TMEM123: variants seen among roughly 807,000 people sequenced by gnomAD.
The protein encoded by TMEM123 is porimin.
In TMEM123, 16 loss-of-function variants were observed where a neutral mutation model predicts 19.7. The ratio of observed to expected loss-of-function variants is 0.81; its 90% CI spans 0.55 to 1.23. The LOEUF is 1.23. Ranked by LOEUF, TMEM123 falls within the 50% of genes most tolerant of loss-of-function variation. The probability of loss-of-function intolerance (pLI) is 0.00; values close to 1 mark genes in which losing one functional copy is unlikely to be tolerated. For missense variants in TMEM123, 313 were observed against 257.8 expected, an observed-to-expected ratio of 1.21 and a Z score of -1.47; for synonymous variants, 118 against 99.4, an observed-to-expected ratio of 1.19 and a Z score of -1.12.
Position 102,396,671 on chromosome 11 carries a change from T to G in TMEM123, c.*2196A>C, listed in dbSNP as rs1951858735. The G allele has an allele frequency of 6.6e-6, 1 of 152,186 alleles. No individual in the cohort carries two copies. The highest frequency in any genetic ancestry group is 2.4e-5 in the African/African-American group (1 of 41,452). The allele number at this position is 152,186 out of a possible 1,614,324, so 9.4% of individuals were successfully genotyped here. On this transcript the variant is annotated 3_prime_UTR_variant, in exon 5 of 5. Transcript: ENST00000398136. ...GTCCAAAGCAAAATATTTTTTTGCA[T>G]AACCATTTCCCTCAATTTTTATAGA...
chr11:102,416,708 C>A (rs1216471019), intron 2 of TMEM123, among the ~76,000 whole-genome samples: 1 of 152,084 alleles, frequency 6.6e-6, no homozygotes, highest in South Asian at 2.1e-4. Flanking sequence ...AAGAAAACTT[C>A]AGGCCAATAT....
Position 102,396,566 on chromosome 11 carries a change from G to GT in TMEM123, c.*2300dup, listed in dbSNP as rs1351183475. On this transcript the variant is annotated 3_prime_UTR_variant, in exon 5 of 5. Coordinates refer to ENST00000398136, the MANE Select transcript of TMEM123 (RefSeq NM_052932.3). The stretch of plus-strand genomic sequence containing the variant: ...TGCCTAGTACTTATACATCTGGATT[G>GT]TTTGTTTTGATCTTCAGATAAATAC... The GT allele has an allele frequency of 6.6e-6, 1 of 152,024 alleles. No homozygotes were observed. 9.4% of individuals were successfully genotyped at this position (152,024 alleles called of 1,614,324 possible).
intron 2 of TMEM123, among the ~76,000 whole-genome samples, chr11:102,427,498 G>A (rs1453961799): frequency 2.0e-5 from 3 of 147,630 alleles, no homozygotes; most frequent in Non-Finnish European, 3.0e-5. Flanking sequence ...GCCCAGGCTG[G>A]AGTGCAGTGG....
At chr11:102,436,457 C>G (rs1411169827) in intron 2 of TMEM123, among the ~76,000 whole-genome samples, 3 of 151,970 alleles carry the variant, frequency 2.0e-5, no homozygotes, top group Non-Finnish European at 4.4e-5. Context: ...GCCACCGCAC[C>G]CAGCCTCAAT....
At position 102,433,652 on chromosome 11, in the gene TMEM123, G is replaced by T. The variant is rs564270826; in HGVS notation, c.157+15160C>A. ...TCTGAGGGCATGAGATTTGGGAGGGGCCAGTGGTAAAATTATATGGTTTGG... is the reference window on the plus strand; with the variant it reads ...TCTGAGGGCATGAGATTTGGGAGGGTCCAGTGGTAAAATTATATGGTTTGG... On this transcript the variant is annotated intron_variant, in intron 2 of 4. Coordinates refer to ENST00000398136, the MANE Select transcript of TMEM123 (RefSeq NM_052932.3). Among the ~76,000 whole-genome samples, 75 of 151,784 alleles carry T rather than the reference G, an allele frequency of 4.9e-4. 1 individual carries two copies. Among genetic ancestry groups the T allele is most frequent in the Non-Finnish European group, 9.6e-4 (65 of 67,816 alleles).
chr11:102,417,642 T>C (rs1952052742), intron 2 of TMEM123, among the ~76,000 whole-genome samples: 1 of 152,100 alleles, frequency 6.6e-6, no homozygotes, highest in African/African-American at 2.4e-5. Flanking sequence ...AAAAAGCTCT[T>C]CTAAAATTCA....
At chr11:102,440,921 A>C (rs1045461180) in intron 2 of TMEM123, among the ~76,000 whole-genome samples, 2 of 152,126 alleles carry the variant, frequency 1.3e-5, no homozygotes, top group African/African-American at 2.4e-5. Context: ...AGACTTTAAA[A>C]CAACAAAGAT....
intron 2 of TMEM123, among the ~76,000 whole-genome samples, chr11:102,434,469 T>C (rs76479943): frequency 0.046 from 6,938 of 151,936 alleles, 343 homozygotes; most frequent in Non-Finnish European, 0.074. Flanking sequence ...TAGAGTTGAG[T>C]TCTTAATATA....
intron 2 of TMEM123, among the ~76,000 whole-genome samples, chr11:102,418,864 C>T (rs1256359328): frequency 6.6e-6 from 1 of 152,134 alleles, no homozygotes; most frequent in Non-Finnish European, 1.5e-5. Context: ...TGCAGCAACA[C>T]GGATGCAGCT....
At chr11:102,444,607 G>C (rs971291506) in intron 2 of TMEM123, among the ~76,000 whole-genome samples, 1 of 152,008 alleles carries the variant, frequency 6.6e-6, no homozygotes, top group Non-Finnish European at 1.5e-5. Context: ...GTTGACGGGT[G>C]CAGCACACCA....
intron 2 of TMEM123, among the ~76,000 whole-genome samples, chr11:102,440,987 G>C (rs183996705): frequency 6.6e-6 from 1 of 152,164 alleles, no homozygotes; most frequent in African/African-American, 2.4e-5. Context: ...TCAACAAGAA[G>C]AGCTAACTAT....
At position 102,396,679 on chromosome 11, in the gene TMEM123, T is replaced by G. The variant is rs1951858843; in HGVS notation, c.*2188A>C. The G allele has an allele frequency of 6.6e-6, 1 of 152,164 alleles. No homozygotes were observed. The highest frequency in any genetic ancestry group is 1.5e-5 in the Non-Finnish European group (1 of 68,030). 9.4% of individuals were successfully genotyped at this position (152,164 alleles called of 1,614,324 possible). A position where few individuals can be genotyped will look rare whatever the true frequency, so the allele number is the denominator to read the frequency against. On this transcript the variant is annotated 3_prime_UTR_variant, in exon 5 of 5. Transcript: ENST00000398136. The stretch of plus-strand genomic sequence containing the variant: ...CAAAATATTTTTTTGCATAACCATT[T>G]CCCTCAATTTTTATAGATAACAACA...
intron 2 of TMEM123, among the ~76,000 whole-genome samples, chr11:102,413,827 C>T (rs2135848871): frequency 6.6e-6 from 1 of 152,288 alleles, no homozygotes; most frequent in South Asian, 2.1e-4. Context: ...CTCCAAAGAA[C>T]CATACTGCCT....
intron 1 of TMEM123, among the ~76,000 whole-genome samples, chr11:102,451,943 C>T (rs908979068): frequency 6.6e-6 from 1 of 152,206 alleles, no homozygotes; most frequent in Non-Finnish European, 1.5e-5. Flanking sequence ...CCTCAACTAC[C>T]GCGAGGGCGG....
intron 3 of TMEM123, 28 bp downstream of exon 3, chr11:102,401,888 G>GA (rs144555054): frequency 0.019 from 30,547 of 1,597,032 alleles, 365 homozygotes; most frequent in Non-Finnish European, 0.022. Flanking sequence ...TGCAGCATAG[G>GA]AAAAAAAAGG....
intron 2 of TMEM123, among the ~76,000 whole-genome samples, chr11:102,441,892 A>G (rs1006516750): frequency 6.6e-6 from 1 of 152,208 alleles, no homozygotes; most frequent in African/African-American, 2.4e-5. Flanking sequence ...CCACAGAAAT[A>G]CAAACTACCA....
At position 102,452,668 on chromosome 11, in the gene TMEM123, G is replaced by T; in HGVS notation, c.-45C>A. On this transcript the variant is annotated 5_prime_UTR_variant, in exon 1 of 5. Transcript: ENST00000398136. The stretch of plus-strand genomic sequence containing the variant: ...GGCAGCCTCGTGGGCTCCCAGCCGA[G>T]GTGGCGGCGGCGAGAGCGGCTCCTC... 7.2e-7 allele frequency: 1 copy of T among 1,384,616 alleles called. No individual in the cohort carries two copies. The highest frequency in any genetic ancestry group is 9.5e-7 in the Non-Finnish European group (1 of 1,057,084). The allele number at this position is 1,384,616 out of a possible 1,614,324, so 85.8% of individuals were successfully genotyped here. A position where few individuals can be genotyped will look rare whatever the true frequency, so the allele number is the denominator to read the frequency against.
intron 2 of TMEM123, among the ~76,000 whole-genome samples, chr11:102,420,818 C>T (rs1425076172): frequency 1.3e-5 from 2 of 152,078 alleles, no homozygotes; most frequent in Non-Finnish European, 2.9e-5. Flanking sequence ...GAGGCCAAGG[C>T]GGGTGGGTCA....
chr11:102,405,528 A>G (rs1951948414), intron 2 of TMEM123, among the ~76,000 whole-genome samples: 1 of 152,242 alleles, frequency 6.6e-6, no homozygotes, highest in African/African-American at 2.4e-5. Flanking sequence ...ATTTAACATT[A>G]AAATAATCAC....
Sources: allele counts gnomAD v4.1 joint callset (sites outside exome capture counted in the v4.1 genomes callset), GRCh38; gene constraint gnomAD v4.1.1; transcripts MANE v1.5; gene names NCBI Gene and HGNC (gene_info 2026-07-23, HGNC 2026-07-21).